FAM76A: variants seen among roughly 807,000 people sequenced by gnomAD.
The protein encoded by FAM76A is protein FAM76A.
In FAM76A, 32 loss-of-function variants were observed where a neutral mutation model predicts 46.2. The observed-to-expected ratio is 0.69, with a 90% CI of 0.52 to 0.93. The LOEUF is 0.93. FAM76A is among the 40% of genes least tolerant of loss of function. The pLI is 0.00. For missense variants in FAM76A, 274 were observed against 361.5 expected (o/e 0.76, Z 1.96); for synonymous variants, 137 against 127.0 (o/e 1.08, Z -0.53).
chr1:27,760,870 C>CTTTTTTTTTTTTTT lies in FAM76A; in HGVS notation c.*295_*296insTTTTTTTTTTTTTT, dbSNP rs2088492929. 2.3e-5 allele frequency: 1 copy of CTTTTTTTTTTTTTT among 43,156 alleles called. No individual in the cohort carries two copies. The highest frequency in any genetic ancestry group is 4.7e-5 in the Non-Finnish European group (1 of 21,276). 2.7% of individuals were successfully genotyped at this position (43,156 alleles called of 1,614,324 possible). A position where few individuals can be genotyped will look rare whatever the true frequency, so the allele number is the denominator to read the frequency against. On this transcript the variant is annotated 3_prime_UTR_variant, in exon 9 of 9. Coordinates refer to ENST00000373954, the MANE Select transcript of FAM76A (RefSeq NM_152660.3). ...TATTTTGGTTCTATTCTTTTTTTTT[C>CTTTTTTTTTTTTTT]TTTTTTCTTTTTTTTTTTTTTTTTT...
chr1:27,754,644 C>G (rs1435708077), intron 6 of FAM76A, among the ~76,000 whole-genome samples: 2 of 152,078 alleles, frequency 1.3e-5, no homozygotes, highest in Non-Finnish European at 2.9e-5. Context: ...GGCTTCATTC[C>G]TGTTTCATCT....
intron 4 of FAM76A, chr1:27,740,536 C>T (rs1049850499): frequency 7.7e-5 from 102 of 1,324,794 alleles, no homozygotes; most frequent in Middle Eastern, 1.9e-4. Context: ...TGTCTGGAAG[C>T]GTTGTTATGA....
intron 6 of FAM76A, among the ~76,000 whole-genome samples, chr1:27,749,377 A>AT (rs1229644321): frequency 2.6e-5 from 4 of 151,952 alleles, no homozygotes; most frequent in Admixed American, 6.6e-5. Context: ...CTAAATTATA[A>AT]TTTTTTTTAA....
In FAM76A at chr1:27,763,065, G is replaced by C. The variant is rs548919308; in HGVS notation, c.*2484G>C. 14 of 152,112 alleles carry C rather than the reference G, an allele frequency of 9.2e-5. No individual in the cohort carries two copies. The highest frequency in any genetic ancestry group is 4.4e-5 in the Non-Finnish European group (3 of 68,012). The allele number at this position is 152,112 out of a possible 1,614,324, so 9.4% of individuals were successfully genotyped here. A position where few individuals can be genotyped will look rare whatever the true frequency, so the allele number is the denominator to read the frequency against. On this transcript the variant is annotated 3_prime_UTR_variant, in exon 9 of 9. Transcript: ENST00000373954. ...CATTTTAAAACACAGGAATGTTTTG[G>C]TTTGTACAGACTTTGACAAATGTGT... is the stretch of plus-strand genomic sequence containing the variant.
rs542303388 is a variant in FAM76A at position 27,758,210 on chromosome 1, G to C, written c.736-1316G>C. On this transcript the variant is annotated intron_variant, in intron 7 of 8. Coordinates refer to ENST00000373954, the MANE Select transcript of FAM76A (RefSeq NM_152660.3). Reference sequence around the variant, plus strand: ...TTACAGATGAGGAAACAGACCCGAAGAGGTTAATATGTCCAAACCACACAG... The same window carrying C: ...TTACAGATGAGGAAACAGACCCGAACAGGTTAATATGTCCAAACCACACAG... Among the ~76,000 whole-genome samples, 3 of 152,286 alleles carry C rather than the reference G, an allele frequency of 2.0e-5. No homozygotes were observed. The South Asian group carries it at 6.2e-4, about 32-fold the overall frequency.
At position 27,734,065 on chromosome 1, in the gene FAM76A, C is replaced by A. The variant is rs1300512375; in HGVS notation, c.236C>A (p.Ala79Glu). 1 of 1,610,554 alleles carries A rather than the reference C, an allele frequency of 6.2e-7. No individual in the cohort carries two copies. The change falls in exon 4 of 9, where the codon GCA (alanine) becomes GAA (glutamate). Residue 79 changes from alanine (A) to glutamate (E), a missense_variant. By Grantham distance (107) the Ala-to-Glu change is moderately radical. Transcript: ENST00000373954. Reference sequence around the variant, plus strand: ...TGTCAGTATTGCAACATAATTGCAGCATTTATTGGGAATAAATGCCAGCGC... The same window carrying A: ...TGTCAGTATTGCAACATAATTGCAGAATTTATTGGGAATAAATGCCAGCGC... Reference protein sequence around the residue: ...KPCQYCNIIAAFIGNKCQRCT... With the variant: ...KPCQYCNIIAEFIGNKCQRCT...
At chr1:27,735,799 G>A (rs1041894096) in intron 4 of FAM76A, among the ~76,000 whole-genome samples, 1 of 152,124 alleles carries the variant, frequency 6.6e-6, no homozygotes, top group African/African-American at 2.4e-5. Flanking sequence ...ATGGGGAAAT[G>A]TAATTCAGAT....
intron 2 of FAM76A, among the ~76,000 whole-genome samples, chr1:27,732,355 G>C (rs1490013875): frequency 6.6e-6 from 1 of 152,130 alleles, no homozygotes; most frequent in Non-Finnish European, 1.5e-5. Flanking sequence ...GCTTGAACTT[G>C]GGAGGCAGAG....
At chr1:27,741,464 T>A (rs1282593266) in intron 4 of FAM76A, among the ~76,000 whole-genome samples, 1 of 152,104 alleles carries the variant, frequency 6.6e-6, no homozygotes, top group Non-Finnish European at 1.5e-5. Flanking sequence ...CCACTTGATT[T>A]TTCATAAAGA....
chr1:27,760,415 CA>C, intron 8 of FAM76A, 79 bp from the exon 9 acceptor site: 4 of 1,114,618 alleles, frequency 3.6e-6, no homozygotes, highest in Non-Finnish European at 5.2e-6. Flanking sequence ...TCTGCCTTAG[CA>C]TCTGCACTTA....
intron 4 of FAM76A, chr1:27,739,968 C>T (rs2088124183): frequency 3.5e-6 from 1 of 287,546 alleles, no homozygotes; most frequent in Non-Finnish European, 6.9e-6. Context: ...CTTTAGGCTG[C>T]AAGATTGGCT....
At chr1:27,746,713 C>T (rs537782334) in intron 5 of FAM76A, among the ~76,000 whole-genome samples, 1 of 152,080 alleles carries the variant, frequency 6.6e-6, no homozygotes, top group African/African-American at 2.4e-5. Context: ...GGTGACAGAG[C>T]GAGACTCTAT....
Position 27,725,986 on chromosome 1 carries a change from C to A in FAM76A, c.-95C>A. 2.0e-6 allele frequency: 2 copies of A among 1,025,498 alleles called. No individual in the cohort carries two copies. Among genetic ancestry groups the A allele is most frequent in the Non-Finnish European group, 2.5e-6 (2 of 804,842 alleles). 63.5% of individuals were successfully genotyped at this position (1,025,498 alleles called of 1,614,324 possible). A position where few individuals can be genotyped will look rare whatever the true frequency, so the allele number is the denominator to read the frequency against. On this transcript the variant is annotated 5_prime_UTR_variant, in exon 1 of 9. Transcript: ENST00000373954. ...GCCTGCGCCCGCCCGCCTGCCGCAG[C>A]CAGCAGCCTGCAGCCGCCGCCGGGT...
chr1:27,739,679 T>TTGGGAGGCTGAGG (rs2088117690), intron 4 of FAM76A, among the ~76,000 whole-genome samples: 1 of 152,038 alleles, frequency 6.6e-6, no homozygotes, highest in South Asian at 2.1e-4. Context: ...TCTCGGCTAC[T>TTGGGAGGCTGAGG]TGGGAGGCTG....
chr1:27,746,595 TG>T (rs201027097), intron 5 of FAM76A, among the ~76,000 whole-genome samples: 2,287 of 152,136 alleles, frequency 0.015, 59 homozygotes, highest in African/African-American at 0.052. Flanking sequence ...GGTGTGGTGT[TG>T]CATGCCTGTA....
intron 5 of FAM76A, among the ~76,000 whole-genome samples, chr1:27,747,445 G>A (rs1259998015): frequency 2.6e-5 from 4 of 152,222 alleles, no homozygotes; most frequent in Admixed American, 1.3e-4. Context: ...GAAAAGGTCT[G>A]AGGAATCCTT....
rs1244001532 is a variant in FAM76A at position 27,756,355 on chromosome 1, G to A, written c.735+1025G>A. Among the ~76,000 whole-genome samples, 13 of 150,794 alleles carry A rather than the reference G, an allele frequency of 8.6e-5. 1 individual carries two copies. The highest frequency in any genetic ancestry group is 7.3e-4 in the Admixed American group (11 of 15,124). On this transcript the variant is annotated intron_variant, in intron 7 of 8. Transcript: ENST00000373954. Reference sequence around the variant, plus strand: ...TGTTTTTTGAGACAGAGTCTCTGTCGCCCAGGCTCACTGCAACCTCTGCCT... The same window carrying A: ...TGTTTTTTGAGACAGAGTCTCTGTCACCCAGGCTCACTGCAACCTCTGCCT...
intron 4 of FAM76A, among the ~76,000 whole-genome samples, chr1:27,742,374 C>G (rs2088169563): frequency 6.6e-6 from 1 of 152,154 alleles, no homozygotes; most frequent in Non-Finnish European, 1.5e-5. Context: ...GTTATGCTTT[C>G]CTAGCTTTGG....
chr1:27,740,516 A>G (rs1245748001), intron 4 of FAM76A: 3 of 1,397,344 alleles, frequency 2.1e-6, no homozygotes, highest in African/African-American at 2.9e-5. Flanking sequence ...GGCAGGAGCT[A>G]ACATGATTAT....
Sources: gnomAD v4.1 joint callset for allele counts (sites outside exome capture counted in the v4.1 genomes callset) on GRCh38, gnomAD v4.1.1 for gene constraint, MANE v1.5 for transcripts, NCBI Gene and HGNC (gene_info 2026-07-23, HGNC 2026-07-21) for gene names.